Variants in DDO observed in about 807,000 individuals in gnomAD.
DDO encodes the protein D-aspartate oxidase, DDO.
Under a neutral mutation model 16.8 loss-of-function variants are expected in DDO, and 16 were observed. The observed-to-expected ratio is 0.95, with a 90% CI of 0.65 to 1.45. DDO has a LOEUF of 1.45. Among genes scored for constraint, DDO ranks in the 40% most tolerant of loss-of-function variants. The pLI, the probability that DDO is intolerant of heterozygous loss-of-function variation, is 0.00. For missense variants in DDO, 429 were observed against 420.3 expected (o/e 1.02, Z -0.18); for synonymous variants, 180 against 167.2 (o/e 1.08, Z -0.59).
intron 1 of DDO, 132 bp downstream of exon 1, chr6:110,415,335 T>G: frequency 3.4e-6 from 4 of 1,187,596 alleles, no homozygotes; most frequent in Non-Finnish European, 4.6e-6. Context: ...GGAGGAGGAG[T>G]GAGCGAGCAA....
intron 4 of DDO, 47 bp from the exon 5 acceptor site, chr6:110,393,389 AACTACT>A: frequency 6.6e-7 from 1 of 1,505,258 alleles, no homozygotes; most frequent in Non-Finnish European, 8.8e-7. Flanking sequence ...CGACCTGATC[AACTACT>A]TCCAGGAAAT....
chr6:110,392,064 A>T lies in DDO; in HGVS notation c.*711T>A. The T allele has an allele frequency of 2.2e-6, 1 of 450,512 alleles. No individual in the cohort carries two copies. Among genetic ancestry groups the T allele is most frequent in the Non-Finnish European group, 2.9e-6 (1 of 341,026 alleles). 27.9% of individuals were successfully genotyped at this position (450,512 alleles called of 1,614,324 possible). ...GCTATTGAATTGATATGACATACATAGGCAACTTCATCTCTGTCTCCTACC... is the reference window on the plus strand; with the variant it reads ...GCTATTGAATTGATATGACATACATTGGCAACTTCATCTCTGTCTCCTACC... On this transcript the variant is annotated 3_prime_UTR_variant, in exon 5 of 5. Coordinates refer to ENST00000368924, the MANE Select transcript of DDO (RefSeq NM_001372108.2).
At position 110,391,788 on chromosome 6, in the gene DDO, A is replaced by G. The variant is rs9374170; in HGVS notation, c.*987T>C. 0.47 allele frequency: 71,722 copies of G among 152,006 alleles called. 17,319 individuals carry two copies. The highest frequency in any genetic ancestry group is 0.55 in the African/African-American group (22,726 of 41,442). 9.4% of individuals were successfully genotyped at this position (152,006 alleles called of 1,614,324 possible). ...TCAAAAAACAGGTTAAATTCATTTAACTCAACAATTCCAACTCATTTTATT... is the reference window on the plus strand; with the variant it reads ...TCAAAAAACAGGTTAAATTCATTTAGCTCAACAATTCCAACTCATTTTATT... On this transcript the variant is annotated 3_prime_UTR_variant, in exon 5 of 5. Transcript: ENST00000368924.
downstream of DDO, among the ~76,000 whole-genome samples, chr6:110,390,518 C>CCT (rs1773081354): frequency 6.6e-6 from 1 of 152,202 alleles, no homozygotes; most frequent in African/African-American, 2.4e-5. Context: ...TCTCAAGAAG[C>CCT]CTCCAGTCTT....
chr6:110,415,466 C>T lies in DDO; in HGVS notation c.-5+1G>A. The T allele has an allele frequency of 6.2e-7, 1 of 1,614,146 alleles. No homozygotes were observed. Among genetic ancestry groups the T allele is most frequent in the Non-Finnish European group, 8.5e-7 (1 of 1,180,016 alleles). On this transcript the variant is annotated splice_donor_variant, in intron 1 of 4. Coordinates refer to ENST00000368924, the MANE Select transcript of DDO (RefSeq NM_001372108.2). LOFTEE classifies it low-confidence loss of function (5UTR_SPLICE). ...TCAGCTGAAAGCAAGAATTCAAGTA[C>T]CTGTCTCTGAAAAAGCAGTCTTGGA... is the stretch of plus-strand genomic sequence containing the variant.
chr6:110,409,294 G>A (rs1038925893), intron 2 of DDO, among the ~76,000 whole-genome samples: 1 of 152,228 alleles, frequency 6.6e-6, no homozygotes, highest in Non-Finnish European at 1.5e-5. Flanking sequence ...GACAAATCCA[G>A]CTGTGGTTGA....
chr6:110,393,392 T>C lies in DDO; in HGVS notation c.459-50A>G, dbSNP rs772828994. Reference sequence around the variant, plus strand: ...AATATTTGTTAGCGACCTGATCAACTACTTCCAGGAAATAAAGAAAAGGAA... The same window carrying C: ...AATATTTGTTAGCGACCTGATCAACCACTTCCAGGAAATAAAGAAAAGGAA... On this transcript the variant is annotated intron_variant, in intron 4 of 4. Coordinates refer to ENST00000368924, the MANE Select transcript of DDO (RefSeq NM_001372108.2). 11 of 1,502,456 alleles carry C rather than the reference T, an allele frequency of 7.3e-6. No individual in the cohort carries two copies. In the South Asian group the frequency reaches 1.4e-4, roughly 18 times the overall value. 93.1% of individuals were successfully genotyped at this position (1,502,456 alleles called of 1,614,324 possible).
chr6:110,407,472 G>A (rs1773696928), intron 3 of DDO, among the ~76,000 whole-genome samples: 1 of 152,158 alleles, frequency 6.6e-6, no homozygotes, highest in Admixed American at 6.5e-5. Context: ...CAATGCAAGT[G>A]TGTACACTAG....
intron 2 of DDO, among the ~76,000 whole-genome samples, chr6:110,408,680 G>C (rs993652159): frequency 2.6e-5 from 4 of 152,208 alleles, no homozygotes; most frequent in Non-Finnish European, 5.9e-5. Flanking sequence ...ATCAATGGAG[G>C]GAAAACAGGC....
At chr6:110,403,496 G>A (rs1038639066) in intron 4 of DDO, among the ~76,000 whole-genome samples, 43 of 152,230 alleles carry the variant, frequency 2.8e-4, no homozygotes. Context: ...ATCAGCTGAT[G>A]TAGACAAGTC....
At chr6:110,399,910 A>G (rs1419070264) in intron 4 of DDO, among the ~76,000 whole-genome samples, 1 of 152,190 alleles carries the variant, frequency 6.6e-6, no homozygotes. Flanking sequence ...AGGTCTCCCC[A>G]GGACTCGGGT....
intron 2 of DDO, among the ~76,000 whole-genome samples, chr6:110,410,549 G>A (rs9386896): frequency 0.75 from 113,741 of 152,162 alleles, 42,783 homozygotes; most frequent in East Asian, 0.95. Flanking sequence ...ACTTACGATC[G>A]TGGTGGAAAG....
intron 3 of DDO, among the ~76,000 whole-genome samples, chr6:110,406,025 C>G (rs1773642801): frequency 6.6e-6 from 1 of 152,182 alleles, no homozygotes; most frequent in Non-Finnish European, 1.5e-5. Flanking sequence ...TCAGAGCAGT[C>G]CCCATGAAGA....
intron 1 of DDO, 71 bp downstream of exon 1, chr6:110,415,396 T>C: frequency 6.3e-7 from 1 of 1,595,522 alleles, no homozygotes; most frequent in Non-Finnish European, 8.5e-7. Flanking sequence ...CCTGACCCTA[T>C]TCAGACACAC....
At chr6:110,408,529 G>A in intron 2 of DDO, 87 bp from the exon 3 acceptor site, 5 of 1,240,554 alleles carry the variant, frequency 4.0e-6, no homozygotes, top group African/African-American at 1.5e-5. Flanking sequence ...CTAGAAACTT[G>A]GAAAAAAAAT....
intron 2 of DDO, among the ~76,000 whole-genome samples, chr6:110,412,660 G>A (rs913514214): frequency 2.6e-5 from 4 of 152,234 alleles, no homozygotes; most frequent in South Asian, 4.1e-4. Flanking sequence ...GGGCACATGC[G>A]CTGATGACAA....
intron 3 of DDO, among the ~76,000 whole-genome samples, chr6:110,405,300 A>T (rs149666172): frequency 3.3e-5 from 5 of 152,302 alleles, no homozygotes; most frequent in African/African-American, 1.2e-4. Flanking sequence ...GGCCTCCCAA[A>T]GTGCTGGGAT....
chr6:110,410,264 G>A (rs967001758), intron 2 of DDO, among the ~76,000 whole-genome samples: 1 of 152,186 alleles, frequency 6.6e-6, no homozygotes, highest in African/African-American at 2.4e-5. Context: ...TTCTGGCCTC[G>A]ATGGCCCTAT....
Position 110,392,699 on chromosome 6 carries a change from A to G in DDO, c.*76T>C. 1 of 1,451,968 alleles carries G rather than the reference A, an allele frequency of 6.9e-7. No individual in the cohort carries two copies. Among genetic ancestry groups the G allele is most frequent in the Non-Finnish European group, 9.0e-7 (1 of 1,106,188 alleles). The allele number at this position is 1,451,968 out of a possible 1,614,324, so 89.9% of individuals were successfully genotyped here. ...GAAATGTCTAATTAAACTTTCATGC[A>G]GTGGAAAAGTTATTTGAACCTGTTC... On this transcript the variant is annotated 3_prime_UTR_variant, in exon 5 of 5. Transcript: ENST00000368924.
Sources: allele counts gnomAD v4.1 joint callset (sites outside exome capture counted in the v4.1 genomes callset), GRCh38; gene constraint gnomAD v4.1.1; transcripts MANE v1.5; gene names NCBI Gene and HGNC (gene_info 2026-07-23, HGNC 2026-07-21).